Variants in MAN2A1 observed in about 807,000 individuals in gnomAD.
MAN2A1 encodes mannosidase alpha class 2A member 1.
A neutral mutation model predicts 142.6 loss-of-function variants in MAN2A1; 76 were observed. The ratio of observed to expected loss-of-function variants is 0.53; its 90% CI spans 0.44 to 0.65. The LOEUF is 0.65. Ranked by LOEUF, MAN2A1 falls within the 30% of genes least tolerant of loss-of-function variation. The pLI is 0.00. For synonymous variants in MAN2A1, 559 were observed against 473.2 expected (o/e 1.18, Z -2.35); for missense variants, 1,311 against 1,365.1 (o/e 0.96, Z 0.62).
At chr5:109,818,362 T>C (rs2112722807) in intron 13 of MAN2A1, among the ~76,000 whole-genome samples, 1 of 152,190 alleles carries the variant, frequency 6.6e-6, no homozygotes, top group Admixed American at 6.5e-5. Flanking sequence ...GGTCTCAAAC[T>C]CCTGACCCCG....
intron 6 of MAN2A1, 80 bp from the exon 7 acceptor site, chr5:109,770,275 G>A: frequency 2.3e-6 from 3 of 1,287,244 alleles, no homozygotes; most frequent in Non-Finnish European, 3.3e-6. Flanking sequence ...ATTACTTTGT[G>A]TAAAGTAATG....
At chr5:109,856,604 C>T (rs1755610433) in intron 20 of MAN2A1, among the ~76,000 whole-genome samples, 1 of 152,196 alleles carries the variant, frequency 6.6e-6, no homozygotes, top group Admixed American at 6.5e-5. Context: ...ATCAAGCAGG[C>T]AGAAGAAGGG....
At chr5:109,738,835 ACTTTT>A (rs1752184110) in intron 4 of MAN2A1, among the ~76,000 whole-genome samples, 1 of 151,350 alleles carries the variant, frequency 6.6e-6, no homozygotes, top group Non-Finnish European at 1.5e-5. Flanking sequence ...ATAATGGGAG[ACTTTT>A]CTTTTAGTTT....
rs758452024 is a variant in MAN2A1, at chr5:109,770,531, G to T, written c.1186G>T (p.Val396Phe). The change falls in exon 7 of 22, where the codon GTC becomes TTC. Residue 396 changes from valine (V) to phenylalanine (F), a missense_variant. Physicochemically the swap from Val to Phe is conservative, Grantham distance 50. Around this residue, in one of 3 missense-constraint regions of MAN2A1, gnomAD observed 890 missense variants for 920.5 expected, o/e 0.97. Coordinates refer to ENST00000261483, the MANE Select transcript of MAN2A1 (RefSeq NM_002372.4). ...CCCAGAAACAATACATCCTGGAAATGTCCAAAGCAGGTATGAAAATGCGTA... is the reference window on the plus strand; with the variant it reads ...CCCAGAAACAATACATCCTGGAAATTTCCAAAGCAGGTATGAAAATGCGTA... ...VPPETIHPGN[V>F]QSRARMLLDQ... 5.0e-6 allele frequency: 8 copies of T among 1,612,830 alleles called. No individual in the cohort carries two copies. The highest frequency in any genetic ancestry group is 1.3e-5 in the African/African-American group (1 of 74,872).
rs983676860 is a variant in MAN2A1 at position 109,867,771 on chromosome 5, ATTT to A, written c.*774_*776del. 1 of 152,518 alleles carries A rather than the reference ATTT, an allele frequency of 6.6e-6. No individual in the cohort carries two copies. Among genetic ancestry groups the A allele is most frequent in the Non-Finnish European group, 1.5e-5 (1 of 68,030 alleles). The allele number at this position is 152,518 out of a possible 1,614,324, so 9.4% of individuals were successfully genotyped here. A position where few individuals can be genotyped will look rare whatever the true frequency, so the allele number is the denominator to read the frequency against. Reference sequence around the variant, plus strand: ...CACAAGGTGTCTTTTTACACAGCTCATTTGAATACAGGTGTTCTGAGAAGGGGT... The same window carrying A: ...CACAAGGTGTCTTTTTACACAGCTCAGAATACAGGTGTTCTGAGAAGGGGT... On this transcript the variant is annotated 3_prime_UTR_variant, in exon 22 of 22. Coordinates refer to ENST00000261483, the MANE Select transcript of MAN2A1 (RefSeq NM_002372.4).
At chr5:109,738,590 G>C (rs1314621732) in intron 4 of MAN2A1, among the ~76,000 whole-genome samples, 3 of 152,070 alleles carry the variant, frequency 2.0e-5, no homozygotes, top group African/African-American at 7.2e-5. Flanking sequence ...GTGTGGCTTT[G>C]AGCAAGTTAT....
intron 20 of MAN2A1, chr5:109,863,468 C>T (rs1013864760): frequency 6.6e-6 from 1 of 152,182 alleles, no homozygotes; most frequent in Non-Finnish European, 1.5e-5. Context: ...TCTGACTCCC[C>T]ACTCAGGCTC....
chr5:109,754,690 T>C (rs1752640238), intron 4 of MAN2A1, among the ~76,000 whole-genome samples: 1 of 152,188 alleles, frequency 6.6e-6, no homozygotes, highest in Admixed American at 6.5e-5. Context: ...TTCTAGGTGC[T>C]CTGCAAGATT....
intron 3 of MAN2A1, among the ~76,000 whole-genome samples, chr5:109,727,390 A>G (rs1168391519): frequency 3.3e-5 from 5 of 152,066 alleles, no homozygotes; most frequent in African/African-American, 4.8e-5. Flanking sequence ...TAAGTACATC[A>G]ATAGTCATGT....
intron 12 of MAN2A1, among the ~76,000 whole-genome samples, chr5:109,800,816 A>G (rs1754008635): frequency 6.6e-6 from 1 of 152,072 alleles, no homozygotes; most frequent in South Asian, 2.1e-4. Context: ...TGCTTGGTAC[A>G]TAGGAGGTGT....
chr5:109,716,105 C>G lies in MAN2A1; in HGVS notation c.391-15C>G, dbSNP rs541745273. The stretch of plus-strand genomic sequence containing the variant: ...TAATTGTTAAACTTTAATTTTTTTT[C>G]TTTTACATTTTTAGATGTTGGATGT... On this transcript the variant is annotated splice_polypyrimidine_tract_variant and intron_variant, in intron 2 of 21. Coordinates refer to ENST00000261483, the MANE Select transcript of MAN2A1 (RefSeq NM_002372.4). The G allele has an allele frequency of 6.4e-7, 1 of 1,563,208 alleles. No individual in the cohort carries two copies. The highest frequency in any genetic ancestry group is 1.4e-5 in the African/African-American group (1 of 72,372).
chr5:109,865,143 A>G lies in MAN2A1; in HGVS notation c.3279A>G (p.Gly1093=). The change falls in exon 21 of 22, where the codon GGA becomes GGG. Residue 1093 remains glycine, a synonymous_variant. Transcript: ENST00000261483. ...GGCTGTTTTGTTCTACTACTCAGGG[A>G]AAGGTAAGTTGAAAAGGTTATTTTT... ...GTGLFCSTTQ[G]KILVQKLLNK... is the part of the protein sequence containing the mutation. 1 of 1,610,444 alleles carries G rather than the reference A, an allele frequency of 6.2e-7. No homozygotes were observed. Among genetic ancestry groups the G allele is most frequent in the South Asian group, 1.1e-5 (1 of 91,016 alleles).
Position 109,806,698 on chromosome 5 carries a change from G to A in MAN2A1, c.1944-10575G>A, listed in dbSNP as rs979692662. ...ATTTTGTGGAATTCTTGCATTTGAGGAGAATAAGGTATTTGCAGCAATCAC... is the reference window on the plus strand; with the variant it reads ...ATTTTGTGGAATTCTTGCATTTGAGAAGAATAAGGTATTTGCAGCAATCAC... On this transcript the variant is annotated intron_variant, in intron 12 of 21. Coordinates refer to ENST00000261483, the MANE Select transcript of MAN2A1 (RefSeq NM_002372.4). Among the ~76,000 whole-genome samples the A allele has an allele frequency of 1.3e-4, 20 of 152,144 alleles. 1 individual carries two copies. The highest frequency in any genetic ancestry group is 8.5e-4 in the Admixed American group (13 of 15,276).
At chr5:109,792,133 G>T (rs1753752645) in intron 12 of MAN2A1, among the ~76,000 whole-genome samples, 1 of 151,974 alleles carries the variant, frequency 6.6e-6, no homozygotes, top group African/African-American at 2.4e-5. Context: ...GGTTCTCCCT[G>T]GATGACCTCC....
intron 3 of MAN2A1, among the ~76,000 whole-genome samples, chr5:109,716,672 T>G (rs1751461238): frequency 6.6e-6 from 1 of 152,240 alleles, no homozygotes; most frequent in South Asian, 2.1e-4. Context: ...AGAAGCAGTA[T>G]TAAATGCTTT....
chr5:109,828,885 A>G (rs968418973), intron 16 of MAN2A1, among the ~76,000 whole-genome samples: 8 of 152,300 alleles, frequency 5.3e-5, no homozygotes, highest in Admixed American at 2.6e-4. Flanking sequence ...ATATTTAGCA[A>G]TCGAACAGAG....
chr5:109,730,524 T>C (rs1310034427), intron 4 of MAN2A1, among the ~76,000 whole-genome samples: 3 of 149,688 alleles, frequency 2.0e-5, no homozygotes, highest in African/African-American at 7.6e-5. Flanking sequence ...TTCTTCCTAA[T>C]TTCATTTTTT....
intron 3 of MAN2A1, among the ~76,000 whole-genome samples, chr5:109,717,335 A>G (rs557195430): frequency 6.6e-6 from 1 of 151,952 alleles, no homozygotes; most frequent in Admixed American, 6.5e-5. Context: ...TTAGTGAAGC[A>G]TTTTTTTTGT....
chr5:109,826,005 C>G (rs374842516), intron 16 of MAN2A1, among the ~76,000 whole-genome samples: 93 of 138,194 alleles, frequency 6.7e-4, no homozygotes, highest in African/African-American at 2.3e-3. Flanking sequence ...CCCACTGGTT[C>G]AAGGATTCTC....
Sources: gnomAD v4.1 joint callset for allele counts (sites outside exome capture counted in the v4.1 genomes callset) on GRCh38, gnomAD v4.1.1 for gene constraint, gnomAD v4.1.1 regional missense constraint, MANE v1.5 for transcripts, NCBI Gene and HGNC (gene_info 2026-07-23, HGNC 2026-07-21) for gene names.